PACRGL: variants seen among roughly 807,000 people sequenced by gnomAD.
PACRGL encodes PACRG-like protein.
Under a neutral mutation model 34.5 loss-of-function variants are expected in PACRGL, and 38 were observed. The ratio of observed to expected loss-of-function variants is 1.10; its 90% CI spans 0.85 to 1.44. The LOEUF (loss-of-function observed/expected upper bound fraction) is 1.44, where lower values mean the gene tolerates loss of function less well. Ranked by LOEUF, PACRGL falls within the 40% of genes most tolerant of loss-of-function variation. The pLI is 0.00. For synonymous variants in PACRGL, 128 were observed against 100.1 expected, an observed-to-expected ratio of 1.28 and a Z score of -1.66; for missense variants, 305 against 281.4, an observed-to-expected ratio of 1.08 and a Z score of -0.60.
intron 8 of PACRGL, chr4:20,749,527 A>G (rs372563827): frequency 3.9e-5 from 21 of 535,842 alleles, no homozygotes; most frequent in African/African-American, 1.7e-4. Flanking sequence ...ATTTTTGGCA[A>G]TTACATGAGA....
chr4:20,720,215 A>G (rs1057480964), intron 7 of PACRGL, among the ~76,000 whole-genome samples: 1 of 152,054 alleles, frequency 6.6e-6, no homozygotes, highest in Non-Finnish European at 1.5e-5. Context: ...TTTTGAGCCT[A>G]TGTGTGTCTC....
At chr4:20,720,049 C>T (rs1247928135) in intron 7 of PACRGL, among the ~76,000 whole-genome samples, 20 of 152,054 alleles carry the variant, frequency 1.3e-4, no homozygotes, top group Non-Finnish European at 2.2e-4. Flanking sequence ...GATAGTTAGC[C>T]CTTCTTGTTG....
rs570939540 is a variant in PACRGL at position 20,745,013 on chromosome 4, G to A, written c.*57-7552G>A. Among the ~76,000 whole-genome samples the A allele has an allele frequency of 1.9e-4, 29 of 152,238 alleles. No homozygotes were observed. The South Asian group carries it at 2.9e-3, about 15-fold the overall frequency. On this transcript the variant is annotated intron_variant, in intron 8 of 8. Transcript: ENST00000507634. ...TTGCCATTTGACTAAACCTAGTCCA[G>A]GTCTAAGAATGACTCCCCAGACTCA...
At chr4:20,700,302 C>G (rs548309064), upstream of PACRGL, 8 of 152,416 alleles carry the variant, frequency 5.2e-5, no homozygotes, top group East Asian at 1.6e-3. Context: ...GCCTGCAGTG[C>G]GTGAGCTGCC....
intron 8 of PACRGL, among the ~76,000 whole-genome samples, chr4:20,739,707 C>T (rs939637301): frequency 5.3e-5 from 8 of 152,160 alleles, no homozygotes; most frequent in Admixed American, 3.3e-4. Flanking sequence ...CGCACCTCCT[C>T]GCCAGCAATG....
chr4:20,758,860 T>C, the PACRGL span: 1 of 1,613,342 alleles, frequency 6.2e-7, no homozygotes, highest in Non-Finnish European at 8.5e-7. Flanking sequence ...TCTTTGAAGG[T>C]TTCTTCATTA....
Position 20,732,209 on chromosome 4 carries a change from C to T in PACRGL, c.*4868C>T. 1.6e-6 allele frequency: 1 copy of T among 635,470 alleles called. No homozygotes were observed. The highest frequency in any genetic ancestry group is 2.7e-5 in the East Asian group (1 of 36,436). 39.4% of individuals were successfully genotyped at this position (635,470 alleles called of 1,614,324 possible). On this transcript the variant is annotated 3_prime_UTR_variant, in exon 9 of 9. Transcript: ENST00000503585. ...GGAGGAACTGTTTCAGAGCAGGAAC[C>T]AGCAGTTTTTTAGAGATAAAAATGA...
Position 20,708,252 on chromosome 4 carries a change from G to T in PACRGL, c.275+382G>T, listed in dbSNP as rs541604862. 1.3e-4 allele frequency among the ~76,000 whole-genome samples: 20 copies of T among 152,038 alleles called. No individual in the cohort carries two copies. In the South Asian group the frequency reaches 4.2e-3, roughly 32 times the overall value. On this transcript the variant is annotated intron_variant, in intron 4 of 8. Coordinates refer to ENST00000503585, the MANE Select transcript of PACRGL (RefSeq NM_001258345.3). The stretch of plus-strand genomic sequence containing the variant: ...TATTTCATAATAAATACATATGGCT[G>T]TTTTTGCTTCATTTTGGATATAATT...
In PACRGL at chr4:20,738,478, A is replaced by G. The variant is rs12646369; in HGVS notation, c.*56+11081A>G. On this transcript the variant is annotated intron_variant, in intron 8 of 8. Coordinates refer to the PACRGL transcript ENST00000507634. ...ACCCCAAAATTTACATGTCTGACAC[A>G]TTCCAAGGGGAAGCCTGTACTGCTT... is the stretch of plus-strand genomic sequence containing the variant. 2.3e-3 allele frequency among the ~76,000 whole-genome samples: 355 copies of G among 152,300 alleles called. 8 individuals are homozygous for G. In the South Asian group the frequency reaches 0.046, roughly 20 times the overall value.
At chr4:20,713,329 T>C (rs556623009) in intron 6 of PACRGL, 103 bp from the exon 7 acceptor site, 208 of 795,306 alleles carry the variant, frequency 2.6e-4, no homozygotes, top group Non-Finnish European at 4.0e-4. Flanking sequence ...TTTAATCTTA[T>C]CCTTTTCTCT....
At chr4:20,749,611 A>G in intron 8 of PACRGL, 1 of 1,306,050 alleles carries the variant, frequency 7.7e-7, no homozygotes, top group Non-Finnish European at 1.1e-6. Context: ...TTCCCCCTAA[A>G]AAGACTAAAC....
chr4:20,707,991 CT>C, intron 4 of PACRGL, 121 bp downstream of exon 4: 1 of 759,832 alleles, frequency 1.3e-6, no homozygotes, highest in Non-Finnish European at 2.2e-6. Context: ...ATAAAGATGA[CT>C]TTATTCACAC....
intron 7 of PACRGL, among the ~76,000 whole-genome samples, chr4:20,720,490 G>C (rs1366114858): frequency 6.6e-6 from 1 of 152,162 alleles, no homozygotes; most frequent in Non-Finnish European, 1.5e-5. Flanking sequence ...TCCATGTTTA[G>C]TGTTTCCTTC....
chr4:20,731,548 T>C lies in PACRGL; in HGVS notation c.*4207T>C. The stretch of plus-strand genomic sequence containing the variant: ...GTGAGTTCAGTCAAAGAGCCATTTC[T>C]TGTCCACATACACTAAAACAATGAC... On this transcript the variant is annotated 3_prime_UTR_variant, in exon 9 of 9. Transcript: ENST00000503585. 1 of 985,450 alleles carries C rather than the reference T, an allele frequency of 1.0e-6. No individual in the cohort carries two copies. Among genetic ancestry groups the C allele is most frequent in the South Asian group, 4.7e-5 (1 of 21,292 alleles). 61.0% of individuals were successfully genotyped at this position (985,450 alleles called of 1,614,324 possible). A position where few individuals can be genotyped will look rare whatever the true frequency, so the allele number is the denominator to read the frequency against.
chr4:20,756,927 C>T (rs1490218539), downstream of PACRGL, among the ~76,000 whole-genome samples: 2 of 152,034 alleles, frequency 1.3e-5, no homozygotes, highest in Non-Finnish European at 2.9e-5. Flanking sequence ...CCCCAGTAAC[C>T]TCATCTACAT....
intron 4 of PACRGL, 72 bp downstream of exon 4, chr4:20,707,942 T>A: frequency 8.6e-7 from 1 of 1,156,130 alleles, no homozygotes; most frequent in South Asian, 1.3e-5. Context: ...AATATTTAGT[T>A]TAAATGTATT....
chr4:20,764,333 A>G, the PACRGL span, among the ~76,000 whole-genome samples: 2 of 152,180 alleles, frequency 1.3e-5, no homozygotes, highest in Admixed American at 6.5e-5. Flanking sequence ...TTTAGGAAAT[A>G]TCCTGAACAT....
the PACRGL span, among the ~76,000 whole-genome samples, chr4:20,760,317 T>G: frequency 3.9e-5 from 6 of 152,162 alleles, no homozygotes; most frequent in Non-Finnish European, 8.8e-5. Context: ...GACCTGACTT[T>G]AGACATGAAT....
At chr4:20,745,720 G>A (rs1752272992) in intron 8 of PACRGL, among the ~76,000 whole-genome samples, 1 of 152,198 alleles carries the variant, frequency 6.6e-6, no homozygotes, top group Admixed American at 6.5e-5. Context: ...GCCTAGACTT[G>A]TTCAGTTGTG....
Sources: gnomAD v4.1 joint callset for allele counts (sites outside exome capture counted in the v4.1 genomes callset) on GRCh38, gnomAD v4.1.1 for gene constraint, MANE v1.5 for transcripts, NCBI Gene and HGNC (gene_info 2026-07-23, HGNC 2026-07-21) for gene names.